C10orf88: variants seen among roughly 807,000 people sequenced by gnomAD.
The protein encoded by C10orf88 is chromosome 10 open reading frame 88, also known as ATPase PAAT.
A neutral mutation model predicts 34.2 loss-of-function variants in C10orf88; 29 were observed. The observed-to-expected ratio is 0.85, with a 90% confidence interval of 0.63 to 1.16. C10orf88 has a LOEUF of 1.16. Among genes scored for constraint, C10orf88 ranks in the 50% most tolerant of loss-of-function variants. The pLI, the probability that C10orf88 is intolerant of heterozygous loss-of-function variation, is 0.00. For missense variants in C10orf88, 507 were observed against 533.2 expected, an observed-to-expected ratio of 0.95 and a Z score of 0.48; for synonymous variants, 194 against 197.4, an observed-to-expected ratio of 0.98 and a Z score of 0.15.
chr10:122,942,095 T>A (rs1848589531), intron 4 of C10orf88, among the ~76,000 whole-genome samples: 2 of 152,170 alleles, frequency 1.3e-5, no homozygotes, highest in Admixed American at 1.3e-4. Context: ...AATAAAAATA[T>A]ATCTAGTTTC....
At chr10:122,938,808 T>C (rs1386901604) in intron 4 of C10orf88, among the ~76,000 whole-genome samples, 1 of 152,032 alleles carries the variant, frequency 6.6e-6, no homozygotes, top group Admixed American at 6.6e-5. Flanking sequence ...TTCAACTGGT[T>C]ATGCAGTATT....
intron 3 of C10orf88, 82 bp downstream of exon 3, chr10:122,951,872 A>G: frequency 1.2e-6 from 1 of 847,232 alleles, no homozygotes. Flanking sequence ...GACTAATTGT[A>G]TTACTAATCC....
intron 4 of C10orf88, among the ~76,000 whole-genome samples, chr10:122,940,670 A>G (rs181683961): frequency 2.9e-4 from 44 of 152,164 alleles, no homozygotes; most frequent in African/African-American, 1.0e-3. Context: ...ACATGCCACT[A>G]TAGGAAATGA....
At chr10:122,936,372 T>C (rs1177892911) in intron 5 of C10orf88, among the ~76,000 whole-genome samples, 2 of 151,978 alleles carry the variant, frequency 1.3e-5, no homozygotes, top group Non-Finnish European at 2.9e-5. Flanking sequence ...TTGTTTGAAG[T>C]GTATCAATTT....
intron 4 of C10orf88, among the ~76,000 whole-genome samples, chr10:122,941,413 G>A (rs1848580211): frequency 6.6e-6 from 1 of 152,032 alleles, no homozygotes; most frequent in Admixed American, 6.6e-5. Context: ...TCAAACTTTC[G>A]AGAAAACAAG....
At position 122,938,119 on chromosome 10, in the gene C10orf88, C is replaced by T; in HGVS notation, c.689G>A (p.Gly230Asp). The T allele has an allele frequency of 1.2e-6, 2 of 1,609,324 alleles. No homozygotes were observed. Among genetic ancestry groups the T allele is most frequent in the Non-Finnish European group, 1.7e-6 (2 of 1,177,074 alleles). The stretch of plus-strand genomic sequence containing the variant: ...AATCATATGCTTGTATCCAGAATTG[C>T]CCAACACCGACTGAAGCTGCTCTCC... The part of the protein sequence containing the change: ...PIGEQLQSVL[G>D]NSGYKHMIGL... Residue 230 changes from glycine (G) to aspartate (D), a missense_variant, in exon 5 of 6, where the codon GGC (glycine) becomes GAC (aspartate). Gly to Asp is a moderately conservative substitution (Grantham distance 94). Coordinates refer to ENST00000481909, the MANE Select transcript of C10orf88 (RefSeq NM_024942.4).
Position 122,936,112 on chromosome 10 carries a change from A to G in C10orf88, c.1103+1593T>C, listed in dbSNP as rs146163581. 7.2e-4 allele frequency among the ~76,000 whole-genome samples: 110 copies of G among 152,054 alleles called. 1 individual carries two copies. The East Asian group carries it at 0.02, about 27-fold the overall frequency. On this transcript the variant is annotated intron_variant, in intron 5 of 5. Transcript: ENST00000481909. ...GATATTTCTTTTTCATGAGCTTTCC[A>G]ATCATTAATCAAATATTTTTAGTGG... is the stretch of plus-strand genomic sequence containing the variant.
At position 122,953,005 on chromosome 10, in the gene C10orf88, G is replaced by T; in HGVS notation, c.192C>A (p.Asn64Lys). 1 of 1,614,078 alleles carries T rather than the reference G, an allele frequency of 6.2e-7. No homozygotes were observed. The change falls in exon 2 of 6, where the codon AAC becomes AAA. Residue 64 changes from asparagine (N) to lysine (K), a missense_variant. Transcript: ENST00000481909. Reference protein sequence around the residue: ...PGQDLVILKRNHNNKDENPCF... With the variant: ...PGQDLVILKRKHNNKDENPCF... ...AGGGGTTTTCATCTTTGTTGTTGTG[G>T]TTTCTCTTCAAAATCACCAGATCCT...
At chr10:122,948,117 T>C (rs1323290659) in intron 4 of C10orf88, among the ~76,000 whole-genome samples, 1 of 152,184 alleles carries the variant, frequency 6.6e-6, no homozygotes, top group African/African-American at 2.4e-5. Context: ...CTTTGCCTAT[T>C]ACTTTTTTGC....
At chr10:122,939,201 C>T (rs189461634) in intron 4 of C10orf88, among the ~76,000 whole-genome samples, 58 of 151,114 alleles carry the variant, frequency 3.8e-4, no homozygotes, top group Middle Eastern at 3.4e-3. Flanking sequence ...AATACAGCAG[C>T]GAACAAAATA....
chr10:122,954,010 C>G lies in C10orf88; in HGVS notation c.164+5G>C. 6.6e-7 allele frequency: 1 copy of G among 1,515,934 alleles called. No individual in the cohort carries two copies. Among genetic ancestry groups the G allele is most frequent in the Non-Finnish European group, 8.8e-7 (1 of 1,136,178 alleles). 93.9% of individuals were successfully genotyped at this position (1,515,934 alleles called of 1,614,324 possible). A position where few individuals can be genotyped will look rare whatever the true frequency, so the allele number is the denominator to read the frequency against. ...AGCGACCCCGTCCCCGTCGGCCCGG[C>G]GCACCCTGGAGCAGGCGGTGCCAGC... On this transcript the variant is annotated splice_donor_5th_base_variant and intron_variant, in intron 1 of 5. Transcript: ENST00000481909.
At chr10:122,938,422 A>G (rs1054871153) in intron 4 of C10orf88, among the ~76,000 whole-genome samples, 2 of 152,022 alleles carry the variant, frequency 1.3e-5, no homozygotes, top group Admixed American at 6.6e-5. Flanking sequence ...CAATCATTTC[A>G]TTGTAGTTTT....
intron 4 of C10orf88, 38 bp from the exon 5 acceptor site, chr10:122,938,197 C>T (rs1274927149): frequency 6.7e-7 from 1 of 1,488,148 alleles, no homozygotes; most frequent in Non-Finnish European, 9.1e-7. Flanking sequence ...ATATTAATAA[C>T]ACTGACAGCT....
At chr10:122,940,793 G>A (rs1848574403) in intron 4 of C10orf88, among the ~76,000 whole-genome samples, 1 of 151,948 alleles carries the variant, frequency 6.6e-6, no homozygotes, top group African/African-American at 2.4e-5. Context: ...ATAGGTAACT[G>A]CATAATATTC....
intron 4 of C10orf88, among the ~76,000 whole-genome samples, chr10:122,943,967 C>T (rs200126111): frequency 0.047 from 7,078 of 151,668 alleles, 557 homozygotes; most frequent in East Asian, 0.29. Context: ...GTCAGTGTGG[C>T]GATTCCTCAG....
intron 4 of C10orf88, 49 bp from the exon 5 acceptor site, chr10:122,938,208 A>AATT: frequency 1.4e-6 from 2 of 1,443,630 alleles, no homozygotes; most frequent in African/African-American, 2.8e-5. Context: ...ACTGACAGCT[A>AATT]ACTTTTGGAG....
At chr10:122,943,976 A>G (rs1485172958) in intron 4 of C10orf88, among the ~76,000 whole-genome samples, 2 of 151,758 alleles carry the variant, frequency 1.3e-5, no homozygotes, top group East Asian at 3.9e-4. Context: ...GCGATTCCTC[A>G]GGGATCTAGA....
chr10:122,936,455 T>C (rs1848534576), intron 5 of C10orf88, among the ~76,000 whole-genome samples: 1 of 151,958 alleles, frequency 6.6e-6, no homozygotes, highest in Non-Finnish European at 1.5e-5. Flanking sequence ...CACTGATTTC[T>C]GTTATTATTT....
chr10:122,937,932 A>C lies in C10orf88; in HGVS notation c.876T>G (p.Asp292Glu), dbSNP rs1404926594. Residue 292 changes from aspartate to glutamate, a missense_variant, in exon 5 of 6, where the codon GAT (aspartate) becomes GAG (glutamate). Physicochemically the swap from Asp to Glu is conservative, Grantham distance 45. Transcript: ENST00000481909. ...GGTTTTGAGGCATAACTTTACACTC[A>C]TCAAGCTTGGTAGAATTCTCTCCAC... ...LPGGENSTKL[D>E]ECKVMPQNHS... 1 of 1,613,384 alleles carries C rather than the reference A, an allele frequency of 6.2e-7. No homozygotes were observed. Among genetic ancestry groups the C allele is most frequent in the South Asian group, 1.1e-5 (1 of 91,058 alleles).
Sources: allele counts gnomAD v4.1 joint callset (sites outside exome capture counted in the v4.1 genomes callset), GRCh38; gene constraint gnomAD v4.1.1; transcripts MANE v1.5; gene names NCBI Gene and HGNC (gene_info 2026-07-23, HGNC 2026-07-21).